ARID4A: variants seen among roughly 807,000 people sequenced by gnomAD.
The protein encoded by ARID4A is AT-rich interaction domain 4A.
In ARID4A, 39 loss-of-function variants were observed where a neutral mutation model predicts 148.6. The ratio of observed to expected loss-of-function variants is 0.26; its 90% CI spans 0.20 to 0.34. The LOEUF (loss-of-function observed/expected upper bound fraction) is 0.34. Ranked by LOEUF, ARID4A falls within the 10% of genes least tolerant of loss-of-function variation. The pLI is 1.00. For synonymous variants in ARID4A, 475 were observed against 481.2 expected (o/e 0.99, Z 0.17); for missense variants, 1,265 against 1,449.1 (o/e 0.87, Z 2.06).
At chr14:58,351,421 A>C in intron 16 of ARID4A, 98 bp downstream of exon 16, 2 of 1,454,034 alleles carry the variant, frequency 1.4e-6, no homozygotes, top group Non-Finnish European at 1.8e-6. Flanking sequence ...ATGTTTTCTT[A>C]TTGGGACTTC....
rs1401449937 is a variant in ARID4A, at chr14:58,305,008, G to A, written c.182G>A (p.Arg61Lys). 3 of 1,604,064 alleles carry A rather than the reference G, an allele frequency of 1.9e-6. No homozygotes were observed. The highest frequency in any genetic ancestry group is 2.6e-6 in the Non-Finnish European group (3 of 1,175,584). The stretch of plus-strand genomic sequence containing the variant: ...GATGACCAAGTAAAGGGTCCTTTAA[G>A]AGTATGTATGTTGTACGGTTTAAAA... ...VQDDQVKGPLRVGAIVETRTS... is the reference protein window; with the variant it reads ...VQDDQVKGPLKVGAIVETRTS... The change falls in exon 4 of 24, where the codon AGA (arginine) becomes AAA (lysine). Residue 61 changes from arginine to lysine, a missense_variant and splice_region_variant. This residue lies in a region of ARID4A where 59 missense variants were observed against 49.8 expected (regional missense o/e 1.18). Transcript: ENST00000355431.
At chr14:58,313,335 T>C (rs1257516144) in intron 5 of ARID4A, among the ~76,000 whole-genome samples, 3 of 152,168 alleles carry the variant, frequency 2.0e-5, no homozygotes, top group African/African-American at 7.2e-5. Flanking sequence ...TCTTCCTCTT[T>C]AGATCATCAG....
intron 1 of ARID4A, 76 bp from the exon 2 acceptor site, chr14:58,299,718 CGTTT>C (rs1654144560): frequency 2.4e-6 from 3 of 1,241,296 alleles, no homozygotes; most frequent in Non-Finnish European, 3.5e-6. Flanking sequence ...TCCCCGCTGG[CGTTT>C]GTTTACTTTC....
chr14:58,345,179 A>T (rs1262644142), intron 12 of ARID4A, among the ~76,000 whole-genome samples: 2 of 152,076 alleles, frequency 1.3e-5, no homozygotes, highest in Non-Finnish European at 2.9e-5. Flanking sequence ...ATGACTGTCT[A>T]GTTTTGGATT....
chr14:58,318,737 T>C lies in ARID4A; in HGVS notation c.381T>C (p.Asn127=). 1 of 1,614,076 alleles carries C rather than the reference T, an allele frequency of 6.2e-7. No homozygotes were observed. The part of the protein sequence containing the change: ...SETLDQLPLT[N]PEHFGTPVIA... Reference sequence around the variant, plus strand: ...CACTTGACCAGCTTCCATTAACAAATCCAGAGCATTTTGGAACTCCAGTAA... The same window carrying C: ...CACTTGACCAGCTTCCATTAACAAACCCAGAGCATTTTGGAACTCCAGTAA... The change falls in exon 7 of 24, where the codon AAT becomes AAC. Residue 127 remains asparagine, a synonymous_variant. Transcript: ENST00000355431.
chr14:58,329,654 G>A (rs1191355760), intron 10 of ARID4A, 50 bp downstream of exon 10: 5 of 1,432,428 alleles, frequency 3.5e-6, no homozygotes, highest in African/African-American at 2.8e-5. Flanking sequence ...GCTCTATTTG[G>A]AAAATAGCAA....
Position 58,371,923 on chromosome 14 carries a change from A to G in ARID4A, c.3708A>G (p.Ser1236=). Residue 1236 remains serine (S), a synonymous_variant, in exon 24 of 24, where the codon TCA becomes TCG. Coordinates refer to ENST00000355431, the MANE Select transcript of ARID4A (RefSeq NM_002892.4). ...HAGASMSSAS[S]DTGMSPSSSS... is the part of the protein sequence containing the mutation. ...GAGCCTCCATGTCATCTGCTTCATCAGACACTGGAATGAGTCCCTCATCAT... is the reference window on the plus strand; with the variant it reads ...GAGCCTCCATGTCATCTGCTTCATCGGACACTGGAATGAGTCCCTCATCAT... The G allele has an allele frequency of 6.2e-7, 1 of 1,613,404 alleles. No individual in the cohort carries two copies. The highest frequency in any genetic ancestry group is 8.5e-7 in the Non-Finnish European group (1 of 1,179,380).
intron 5 of ARID4A, among the ~76,000 whole-genome samples, chr14:58,310,191 T>G (rs1268411186): frequency 2.0e-5 from 3 of 152,180 alleles, no homozygotes; most frequent in African/African-American, 7.2e-5. Context: ...TGTTAATTTC[T>G]TAAATTTTCA....
At chr14:58,343,406 C>G (rs1440043086) in intron 11 of ARID4A, among the ~76,000 whole-genome samples, 1 of 152,160 alleles carries the variant, frequency 6.6e-6, no homozygotes, top group Non-Finnish European at 1.5e-5. Flanking sequence ...CAACTACATG[C>G]TTATTGATCC....
chr14:58,309,458 T>C (rs1367546868), intron 5 of ARID4A, among the ~76,000 whole-genome samples: 2 of 152,354 alleles, frequency 1.3e-5, no homozygotes, highest in South Asian at 2.1e-4. Flanking sequence ...GTGTTATCTG[T>C]TCAGTCATTC....
chr14:58,306,078 C>T lies in ARID4A; in HGVS notation c.240C>T (p.Ile80=). Residue 80 remains isoleucine, a synonymous_variant, in exon 5 of 24, where the codon ATC becomes ATT. Transcript: ENST00000355431. The stretch of plus-strand genomic sequence containing the variant: ...ATGGATCTTTTCAGGAAGCTATTAT[C>T]AGCAAGTTGACAGATGCTAGTTGGT... ...TSDGSFQEAI[I]SKLTDASWYT... 6.2e-7 allele frequency: 1 copy of T among 1,613,604 alleles called. No individual in the cohort carries two copies. The highest frequency in any genetic ancestry group is 2.2e-5 in the East Asian group (1 of 44,786).
intron 8 of ARID4A, among the ~76,000 whole-genome samples, chr14:58,325,867 TA>T (rs779705158): frequency 6.6e-6 from 1 of 152,050 alleles, no homozygotes; most frequent in Non-Finnish European, 1.5e-5. Flanking sequence ...TTTTTTTTTT[TA>T]ATAACAAATT....
At chr14:58,360,443 T>C (rs1393835806) in intron 18 of ARID4A, among the ~76,000 whole-genome samples, 1 of 152,210 alleles carries the variant, frequency 6.6e-6, no homozygotes, top group Non-Finnish European at 1.5e-5. Context: ...ACTGGCCAAT[T>C]GTACCCTCAC....
intron 5 of ARID4A, among the ~76,000 whole-genome samples, chr14:58,316,705 C>G (rs576276350): frequency 6.6e-6 from 1 of 152,022 alleles, no homozygotes; most frequent in Non-Finnish European, 1.5e-5. Context: ...CTCAGCCTCC[C>G]GAGTAGCTGA....
rs2035266876 is a variant in ARID4A at position 58,364,469 on chromosome 14, G to A, written c.2380G>A (p.Gly794Arg). 1 of 1,612,984 alleles carries A rather than the reference G, an allele frequency of 6.2e-7. No individual in the cohort carries two copies. Among genetic ancestry groups the A allele is most frequent in the Non-Finnish European group, 8.5e-7 (1 of 1,179,792 alleles). ...AGCCGAAAAATCTCCAAAAGGAAAG[G>A]GAAGACGAAGCAAGACAAAAGATCT... The part of the protein sequence containing the change: ...KEAEKSPKGK[G>R]RRSKTKDLSL... Residue 794 changes from glycine to arginine, a missense_variant, in exon 20 of 24, where the codon GGA (glycine) becomes AGA (arginine). Physicochemically the swap from Gly to Arg is moderately radical, Grantham distance 125. Transcript: ENST00000355431.
intron 17 of ARID4A, among the ~76,000 whole-genome samples, chr14:58,355,947 A>C (rs1275341520): frequency 6.6e-6 from 1 of 151,920 alleles, no homozygotes; most frequent in Non-Finnish European, 1.5e-5. Context: ...TCATCTCTCT[A>C]ATTAATTACC....
intron 5 of ARID4A, among the ~76,000 whole-genome samples, chr14:58,311,290 A>G (rs1166958312): frequency 2.0e-5 from 3 of 152,168 alleles, no homozygotes; most frequent in Admixed American, 1.3e-4. Context: ...CTGAATAGAA[A>G]TTTCTCAAAA....
intron 5 of ARID4A, 84 bp from the exon 6 acceptor site, chr14:58,318,458 T>G (rs1317114976): frequency 1.6e-6 from 2 of 1,273,536 alleles, no homozygotes; most frequent in African/African-American, 3.0e-5. Flanking sequence ...AAGCTCTAAT[T>G]AATAGCAATA....
intron 15 of ARID4A, among the ~76,000 whole-genome samples, chr14:58,348,436 C>T (rs1350952616): frequency 6.6e-6 from 1 of 152,174 alleles, no homozygotes; most frequent in African/African-American, 2.4e-5. Context: ...TTTATAGTGC[C>T]TGTGCCCTAA....
Sources: gnomAD v4.1 joint callset for allele counts (sites outside exome capture counted in the v4.1 genomes callset) on GRCh38, gnomAD v4.1.1 for gene constraint, gnomAD v4.1.1 regional missense constraint, MANE v1.5 for transcripts, NCBI Gene and HGNC (gene_info 2026-07-23, HGNC 2026-07-21) for gene names.